The following PLA2R1 variants were observed in gnomAD, a reference collection of about 807,000 sequenced individuals.
The protein encoded by PLA2R1 is secretory phospholipase A2 receptor.
Under a neutral mutation model 195.9 loss-of-function variants are expected in PLA2R1, and 158 were observed. The observed-to-expected ratio is 0.81, with a 90% confidence interval of 0.71 to 0.92. The LOEUF is 0.92. PLA2R1 is among the 40% of genes least tolerant of loss of function. The probability of loss-of-function intolerance (pLI) is 0.00; values close to 1 mark genes in which losing one functional copy is unlikely to be tolerated. For synonymous variants in PLA2R1, 586 were observed against 598.2 expected (o/e 0.98, Z 0.30); for missense variants, 1,626 against 1,764.6 (o/e 0.92, Z 1.41).
intron 23 of PLA2R1, 66 bp from the exon 24 acceptor site, chr2:159,951,644 A>G (rs1687756131): frequency 2.5e-6 from 2 of 811,344 alleles, no homozygotes; most frequent in Non-Finnish European, 2.2e-6. Context: ...GGCAAAGCTT[A>G]GCATAGATCC....
At chr2:159,961,312 G>T (rs994902572) in intron 20 of PLA2R1, among the ~76,000 whole-genome samples, 1 of 152,106 alleles carries the variant, frequency 6.6e-6, no homozygotes, top group Non-Finnish European at 1.5e-5. Context: ...TGCTCCTAAT[G>T]CCTTGAAGAA....
chr2:159,947,631 A>C, intron 25 of PLA2R1, 72 bp from the exon 26 acceptor site: 1 of 1,344,376 alleles, frequency 7.4e-7, no homozygotes, highest in South Asian at 1.3e-5. Context: ...ATTACATTAC[A>C]TTCTATAAAA....
the PLA2R1 span, among the ~76,000 whole-genome samples, chr2:159,924,737 G>GT: frequency 6.7e-6 from 1 of 149,480 alleles, no homozygotes; most frequent in Non-Finnish European, 1.5e-5. Flanking sequence ...GCTGGGGGGG[G>GT]GGCGGTGCGA....
intron 1 of PLA2R1, among the ~76,000 whole-genome samples, chr2:160,050,506 G>C (rs1695150504): frequency 6.6e-6 from 1 of 152,064 alleles, no homozygotes; most frequent in Admixed American, 6.5e-5. Context: ...ATTCAGTCCA[G>C]GTGTAGCTTT....
chr2:159,951,410 T>C lies in PLA2R1; in HGVS notation c.3470A>G (p.His1157Arg), dbSNP rs1687735530. The change falls in exon 24 of 30, where the codon CAC (histidine) becomes CGC (arginine). Residue 1157 changes from histidine (H) to arginine (R), a missense_variant. Coordinates refer to ENST00000283243, the MANE Select transcript of PLA2R1 (RefSeq NM_007366.5). ...AQLVSITDQY[H>R]QSFLTVVLNR... ...GAGGACAACAGTGAGGAAGGACTGG[T>C]GATACTGGTCTGTGATGCTGACCAG... is the stretch of plus-strand genomic sequence containing the variant. 1 of 1,613,874 alleles carries C rather than the reference T, an allele frequency of 6.2e-7. No homozygotes were observed. The highest frequency in any genetic ancestry group is 1.3e-5 in the African/African-American group (1 of 74,918).
intron 1 of PLA2R1, among the ~76,000 whole-genome samples, chr2:160,053,641 C>G (rs554223716): frequency 6.6e-6 from 1 of 152,324 alleles, no homozygotes; most frequent in African/African-American, 2.4e-5. Context: ...TTGCACTGCC[C>G]CGAAATGCTA....
intron 17 of PLA2R1, among the ~76,000 whole-genome samples, chr2:159,975,668 T>C (rs548609588): frequency 6.6e-6 from 1 of 152,252 alleles, no homozygotes; most frequent in Non-Finnish European, 1.5e-5. Context: ...TTTACTCGAA[T>C]TGATTATGGT....
chr2:159,955,782 T>C lies in PLA2R1; in HGVS notation c.3069A>G (p.Ile1023Met). 6.3e-7 allele frequency: 1 copy of C among 1,597,100 alleles called. No homozygotes were observed. The highest frequency in any genetic ancestry group is 8.6e-7 in the Non-Finnish European group (1 of 1,167,780). ...TTTCATAATCATCATTTTGTAAACC[T>C]ATCCACACACTGGTGGTCTGGCCAA... ...NLFGQTTSVWIGLQNDDYETW... is the reference protein window; with the variant it reads ...NLFGQTTSVWMGLQNDDYETW... The change falls in exon 22 of 30, where the codon ATA becomes ATG. Residue 1023 changes from isoleucine to methionine, a missense_variant. By Grantham distance (10) the Ile-to-Met change is conservative. Coordinates refer to ENST00000283243, the MANE Select transcript of PLA2R1 (RefSeq NM_007366.5).
At chr2:160,053,617 T>C (rs1465089411) in intron 1 of PLA2R1, among the ~76,000 whole-genome samples, 2 of 152,174 alleles carry the variant, frequency 1.3e-5, no homozygotes, top group African/African-American at 4.8e-5. Context: ...AGTACAGTGG[T>C]GACAAATACT....
chr2:159,952,359 A>ATATGT (rs201303052), intron 23 of PLA2R1, among the ~76,000 whole-genome samples: 215 of 152,300 alleles, frequency 1.4e-3, no homozygotes, highest in African/African-American at 4.9e-3. Context: ...CATATGTTCT[A>ATATGT]TATGTACTAG....
rs76066542 is a variant in PLA2R1, at chr2:159,964,710, A to T, written c.2904+2829T>A. Among the ~76,000 whole-genome samples, 594 of 147,408 alleles carry T rather than the reference A, an allele frequency of 4.0e-3. 2 individuals carry two copies. Among genetic ancestry groups the T allele is most frequent in the South Asian group, 0.019 (89 of 4,584 alleles). On this transcript the variant is annotated intron_variant, in intron 20 of 29. Coordinates refer to ENST00000283243, the MANE Select transcript of PLA2R1 (RefSeq NM_007366.5). ...AGCTGACATGGCAACCCTTTTTTTTAAAAAAAAATTATTAAATACTTCATT... is the reference window on the plus strand; with the variant it reads ...AGCTGACATGGCAACCCTTTTTTTTTAAAAAAAATTATTAAATACTTCATT...
intron 11 of PLA2R1, among the ~76,000 whole-genome samples, chr2:159,999,840 A>G (rs1020919288): frequency 2.6e-5 from 4 of 152,188 alleles, no homozygotes; most frequent in African/African-American, 9.6e-5. Context: ...TCTATCCTAA[A>G]ATCTCATGTG....
intron 27 of PLA2R1, chr2:159,946,074 G>A: frequency 1.0e-6 from 1 of 952,466 alleles, no homozygotes; most frequent in Non-Finnish European, 1.3e-6. Flanking sequence ...TGTACCAAGG[G>A]GGTAGGGGCG....
intron 11 of PLA2R1, 102 bp from the exon 12 acceptor site, chr2:159,987,460 A>C (rs1690434757): frequency 2.6e-6 from 2 of 777,012 alleles, no homozygotes; most frequent in Non-Finnish European, 4.3e-6. Flanking sequence ...CTCATAATTA[A>C]GCACCCAGAC....
chr2:159,987,508 T>G (rs1690437814), intron 11 of PLA2R1, 150 bp from the exon 12 acceptor site: 1 of 613,854 alleles, frequency 1.6e-6, no homozygotes, highest in South Asian at 2.0e-5. Flanking sequence ...CTTATTGACC[T>G]GATTATGTCA....
chr2:159,959,520 C>T (rs933433976), intron 20 of PLA2R1, among the ~76,000 whole-genome samples: 2 of 152,110 alleles, frequency 1.3e-5, no homozygotes, highest in African/African-American at 4.8e-5. Context: ...TACTAATTTG[C>T]AAAATGTGAT....
chr2:159,937,037 C>A lies in PLA2R1; in HGVS notation c.*4741G>T, dbSNP rs1686867353. 3 of 152,168 alleles carry A rather than the reference C, an allele frequency of 2.0e-5. No individual in the cohort carries two copies. Among genetic ancestry groups the A allele is most frequent in the Admixed American group, 6.5e-5 (1 of 15,270 alleles). The allele number at this position is 152,168 out of a possible 1,614,324, so 9.4% of individuals were successfully genotyped here. A position where few individuals can be genotyped will look rare whatever the true frequency, so the allele number is the denominator to read the frequency against. ...AGGTGCCAAAAAATCAGTGATTCTA[C>A]ATTAAAAATTATTTTCTATATCAAC... On this transcript the variant is annotated 3_prime_UTR_variant, in exon 30 of 30. Coordinates refer to ENST00000283243, the MANE Select transcript of PLA2R1 (RefSeq NM_007366.5).
At chr2:160,006,570 ATGCTTC>A (rs1692000938) in intron 10 of PLA2R1, among the ~76,000 whole-genome samples, 1 of 150,546 alleles carries the variant, frequency 6.6e-6, no homozygotes, top group Admixed American at 6.6e-5. Context: ...ACTCACATAC[ATGCTTC>A]CACATGCACA....
chr2:159,986,279 G>A (rs1397366341), intron 12 of PLA2R1, among the ~76,000 whole-genome samples: 1 of 152,160 alleles, frequency 6.6e-6, no homozygotes, highest in Non-Finnish European at 1.5e-5. Context: ...GATTTGGGAT[G>A]CTCAACTGGT....
Sources: gnomAD v4.1 joint callset for allele counts (sites outside exome capture counted in the v4.1 genomes callset) on GRCh38, gnomAD v4.1.1 for gene constraint, MANE v1.5 for transcripts, NCBI Gene and HGNC (gene_info 2026-07-23, HGNC 2026-07-21) for gene names.